Variants in ANOS1 observed in about 807,000 individuals in gnomAD.
The protein encoded by ANOS1 is anosmin-1.
Under a neutral mutation model 59.0 loss-of-function variants are expected in ANOS1, and 6 were observed. That is an observed-to-expected ratio of 0.10 (90% CI 0.06 to 0.20). The LOEUF is 0.20. Among genes scored for constraint, ANOS1 ranks in the 10% least tolerant of loss-of-function variants. ANOS1 has a pLI of 1.00. For missense variants in ANOS1, 433 were observed against 542.3 expected (o/e 0.80, Z 2.00); for synonymous variants, 217 against 223.4 (o/e 0.97, Z 0.25).
At chrX:8,646,405 C>T (rs1931757189) in intron 2 of ANOS1, among the ~76,000 whole-genome samples, 1 of 110,856 alleles carries the variant, frequency 9.0e-6, no homozygotes. Flanking sequence ...ATTTTGTGGG[C>T]CTAGTGATTT....
At chrX:8,710,844 A>T (rs895458932) in intron 1 of ANOS1, among the ~76,000 whole-genome samples, 2 of 112,338 alleles carry the variant, frequency 1.8e-5, no homozygotes, top group Non-Finnish European at 3.7e-5. Flanking sequence ...AACATTTACC[A>T]TGCCAAAGGA....
chrX:8,711,572 G>A (rs766004956), intron 1 of ANOS1, among the ~76,000 whole-genome samples: 1 of 112,569 alleles, frequency 8.9e-6, no homozygotes, highest in African/African-American at 3.2e-5. Flanking sequence ...GACCATCCAA[G>A]GTCAAGGCTG....
rs1490152946 is a variant in ANOS1 at position 8,599,045 on chromosome X, G to A, written c.319-1789C>T. Among the ~76,000 whole-genome samples the A allele has an allele frequency of 2.7e-5, 3 of 111,638 alleles. No homozygotes were observed. In the East Asian group the frequency reaches 8.5e-4, roughly 32 times the overall value. On this transcript the variant is annotated intron_variant, in intron 3 of 13. Transcript: ENST00000262648. ...ATGGTGGGGCCACAGGAGGAGAGAC[G>A]CCAGAATGCTGTCTGCCCATATGGA...
chrX:8,652,528 T>A (rs1453912943), intron 2 of ANOS1, among the ~76,000 whole-genome samples: 1 of 111,889 alleles, frequency 8.9e-6, no homozygotes, highest in Non-Finnish European at 1.9e-5. Flanking sequence ...ATTCCTACAA[T>A]GCAAGTATTC....
intron 3 of ANOS1, among the ~76,000 whole-genome samples, chrX:8,606,521 A>C (rs1319223886): frequency 2.7e-5 from 3 of 112,241 alleles, no homozygotes; most frequent in Middle Eastern, 4.6e-3. Context: ...CAACCACATA[A>C]TATCTTTTAT....
intron 3 of ANOS1, among the ~76,000 whole-genome samples, chrX:8,612,664 A>C (rs777070766): frequency 9.1e-6 from 1 of 109,836 alleles, no homozygotes; most frequent in South Asian, 3.9e-4. Context: ...AAAAGGGTTC[A>C]TCACTACAAA....
In ANOS1 at chrX:8,552,495, A is replaced by T. The variant is rs142286051; in HGVS notation, c.1354+1457T>A. 2.7e-5 allele frequency among the ~76,000 whole-genome samples: 3 copies of T among 112,252 alleles called. No individual in the cohort carries two copies. In the South Asian group the frequency reaches 1.1e-3, roughly 42 times the overall value. On this transcript the variant is annotated intron_variant, in intron 9 of 13. Coordinates refer to ENST00000262648, the MANE Select transcript of ANOS1 (RefSeq NM_000216.4). Reference sequence around the variant, plus strand: ...GACATCCAGGCAGCAATATAAATGAATGAATTGTTTCATGCAACAGAATGC... The same window carrying T: ...GACATCCAGGCAGCAATATAAATGATTGAATTGTTTCATGCAACAGAATGC...
At chrX:8,600,916 C>T (rs1001764010) in intron 3 of ANOS1, among the ~76,000 whole-genome samples, 3 of 112,134 alleles carry the variant, frequency 2.7e-5, no homozygotes, top group African/African-American at 6.5e-5. Flanking sequence ...TTAGGCCGGG[C>T]GTGGTGGCTC....
chrX:8,683,520 C>A (rs1261578172), intron 2 of ANOS1, among the ~76,000 whole-genome samples: 1 of 110,930 alleles, frequency 9.0e-6, no homozygotes, highest in African/African-American at 3.3e-5. Context: ...GATCTTAAAT[C>A]AGAAATAGCC....
At chrX:8,598,882 C>T (rs5978912) in intron 3 of ANOS1, among the ~76,000 whole-genome samples, 40,865 of 110,892 alleles carry the variant, frequency 0.37, 5,387 homozygotes, top group Middle Eastern at 0.43. Context: ...GGGGTGGCTA[C>T]GTTGTTGTGA....
intron 6 of ANOS1, among the ~76,000 whole-genome samples, chrX:8,577,403 T>C (rs1348963824): frequency 9.0e-6 from 1 of 111,279 alleles, no homozygotes; most frequent in African/African-American, 3.3e-5. Flanking sequence ...TTCCCCCAGC[T>C]CACTTCTCTT....
intron 13 of ANOS1, among the ~76,000 whole-genome samples, chrX:8,533,597 T>TAA (rs1274434840): frequency 8.9e-6 from 1 of 111,899 alleles, no homozygotes; most frequent in East Asian, 2.8e-4. Context: ...AGACACTTTT[T>TAA]TAAAAAATTT....
chrX:8,681,396 C>T lies in ANOS1; in HGVS notation c.255+18302G>A, dbSNP rs73199062. 9.1e-3 allele frequency among the ~76,000 whole-genome samples: 1,014 copies of T among 111,988 alleles called. 10 individuals carry two copies. Among genetic ancestry groups the T allele is most frequent in the Middle Eastern group, 0.046 (10 of 219 alleles). On this transcript the variant is annotated intron_variant, in intron 2 of 13. Transcript: ENST00000262648. Reference sequence around the variant, plus strand: ...AAAGAAAACTAGTATCAATACAAACCAGTAAAATGTGAAGATGAATATTTA... The same window carrying T: ...AAAGAAAACTAGTATCAATACAAACTAGTAAAATGTGAAGATGAATATTTA...
chrX:8,709,605 A>G (rs954170290), intron 1 of ANOS1, among the ~76,000 whole-genome samples: 2 of 112,000 alleles, frequency 1.8e-5, no homozygotes, highest in Non-Finnish European at 3.8e-5. Context: ...TGCAAAGAGT[A>G]TGACATGATG....
At chrX:8,689,361 C>A (rs1038598194) in intron 2 of ANOS1, among the ~76,000 whole-genome samples, 1 of 110,043 alleles carries the variant, frequency 9.1e-6, no homozygotes, top group Non-Finnish European at 1.9e-5. Flanking sequence ...TCATGCCACA[C>A]GTCCAGCCCT....
chrX:8,688,887 T>C (rs926210239), intron 2 of ANOS1, among the ~76,000 whole-genome samples: 5 of 111,781 alleles, frequency 4.5e-5, no homozygotes, highest in Admixed American at 3.8e-4. Context: ...CACACTAATA[T>C]GTTTGATAAA....
chrX:8,638,493 A>G (rs1016977858), intron 2 of ANOS1, among the ~76,000 whole-genome samples: 2 of 112,001 alleles, frequency 1.8e-5, no homozygotes, highest in African/African-American at 6.5e-5. Context: ...ACCTTAGAAT[A>G]TGATGGAGAA....
In ANOS1 at chrX:8,534,398, T is replaced by C. The variant is rs764008268; in HGVS notation, c.1905A>G (p.Gln635=). ...GCCCCTCCCCTCCTGGGGTCAGCAC[T>C]TGCACTTCCAGTCGGTAAAGAGTAG... ...RPSTLYRLEV[Q]VLTPGGEGPA... The change falls in exon 13 of 14, where the codon CAA becomes CAG. Residue 635 remains glutamine (Q), a synonymous_variant. Transcript: ENST00000262648. 5 of 1,210,411 alleles carry C rather than the reference T, an allele frequency of 4.1e-6. No homozygotes were observed. In the South Asian group the frequency reaches 8.8e-5, roughly 21 times the overall value.
At chrX:8,644,446 G>A (rs895557378) in intron 2 of ANOS1, among the ~76,000 whole-genome samples, 10 of 109,574 alleles carry the variant, frequency 9.1e-5, no homozygotes, top group African/African-American at 1.3e-4. Context: ...CAACCTGACC[G>A]TAGTATAGCA....
Sources: gnomAD v4.1 joint callset for allele counts (sites outside exome capture counted in the v4.1 genomes callset) on GRCh38, gnomAD v4.1.1 for gene constraint, MANE v1.5 for transcripts, NCBI Gene and HGNC (gene_info 2026-07-23, HGNC 2026-07-21) for gene names.